GTF3C4: variants seen among roughly 807,000 people sequenced by gnomAD.
The protein encoded by GTF3C4 is general transcription factor IIIC subunit 4, also known as general transcription factor 3C polypeptide 4.
Under a neutral mutation model 67.5 loss-of-function variants are expected in GTF3C4, and 28 were observed. The ratio of observed to expected loss-of-function variants is 0.41; its 90% CI spans 0.31 to 0.57. The LOEUF is 0.57. GTF3C4 is among the 20% of genes least tolerant of loss of function. The pLI, the probability that GTF3C4 is intolerant of heterozygous loss-of-function variation, is 0.21. For missense variants in GTF3C4, 831 were observed against 1,033.2 expected (o/e 0.80, Z 2.68); for synonymous variants, 409 against 393.0 (o/e 1.04, Z -0.48).
intron 1 of GTF3C4, among the ~76,000 whole-genome samples, chr9:132,672,561 A>G (rs866236590): frequency 6.6e-6 from 1 of 152,220 alleles, no homozygotes; most frequent in Non-Finnish European, 1.5e-5. Context: ...TAGGTCTTCT[A>G]GAGAGTCCGA....
Position 132,670,817 on chromosome 9 carries a change from C to T in GTF3C4, c.219C>T (p.Ser73=), listed in dbSNP as rs772332932. The change falls in exon 1 of 5, where the codon TCC becomes TCT. Residue 73 remains serine, a synonymous_variant. Transcript: ENST00000372146. ...AVSGLEPLAW[S]EDHRVSVSTA... is the part of the protein sequence containing the mutation. ...GCGGCCTGGAACCGCTGGCTTGGTC[C>T]GAGGACCACCGCGTGTCTGTGTCCA... 3.7e-6 allele frequency: 6 copies of T among 1,606,146 alleles called. No individual in the cohort carries two copies. The highest frequency in any genetic ancestry group is 3.4e-5 in the Admixed American group (2 of 59,678).
At chr9:132,687,397 T>A in intron 4 of GTF3C4, 70 bp downstream of exon 4, 1 of 813,398 alleles carries the variant, frequency 1.2e-6, no homozygotes, top group Non-Finnish European at 2.1e-6. Context: ...CGCCCCAGAA[T>A]AACAGTTCTA....
chr9:132,683,725 C>G (rs767420565), intron 3 of GTF3C4, 32 bp downstream of exon 3: 4 of 1,590,244 alleles, frequency 2.5e-6, no homozygotes, highest in Non-Finnish European at 3.4e-6. Context: ...TACTTCTGCT[C>G]ATTTTTCAGT....
chr9:132,691,997 G>A lies in GTF3C4; in HGVS notation c.*3052G>A, dbSNP rs543294058. On this transcript the variant is annotated 3_prime_UTR_variant, in exon 5 of 5. Coordinates refer to ENST00000372146, the MANE Select transcript of GTF3C4 (RefSeq NM_012204.4). The stretch of plus-strand genomic sequence containing the variant: ...AGTTGATGCTTATTGGTGCTTAAGA[G>A]AATTACAATACTGGTTTTATGAGCA... 2.6e-5 allele frequency: 4 copies of A among 152,314 alleles called. No homozygotes were observed. Among genetic ancestry groups the A allele is most frequent in the African/African-American group, 9.6e-5 (4 of 41,570 alleles). 9.4% of individuals were successfully genotyped at this position (152,314 alleles called of 1,614,324 possible).
chr9:132,681,048 C>G (rs1835935579), intron 2 of GTF3C4, among the ~76,000 whole-genome samples: 1 of 152,106 alleles, frequency 6.6e-6, no homozygotes, highest in Non-Finnish European at 1.5e-5. Context: ...GCGAAAGTTG[C>G]AGTGAGCTGA....
chr9:132,670,655 TGG>T lies in GTF3C4; in HGVS notation c.60_61del (p.Glu21GlyfsTer107). ...CCGCGGACGACGGGCCTGCGCCGTCTGGGGAGGAGGAGGGAGAGGGGGGCGGC... is the reference window on the plus strand; with the variant it reads ...CCGCGGACGACGGGCCTGCGCCGTCTGGAGGAGGAGGGAGAGGGGGGCGGC... The part of the protein sequence containing the change: ...GPADDGPAPS[G>X]EEEGEGGGEA... On this transcript the variant is annotated frameshift_variant, in exon 1 of 5. Coordinates refer to ENST00000372146, the MANE Select transcript of GTF3C4 (RefSeq NM_012204.4). LOFTEE classifies it high-confidence loss of function. The T allele has an allele frequency of 1.4e-6, 2 of 1,458,602 alleles. No homozygotes were observed. The highest frequency in any genetic ancestry group is 9.0e-7 in the Non-Finnish European group (1 of 1,114,932). 90.4% of individuals were successfully genotyped at this position (1,458,602 alleles called of 1,614,324 possible).
intron 1 of GTF3C4, among the ~76,000 whole-genome samples, chr9:132,677,739 C>T (rs1226373542): frequency 6.6e-6 from 1 of 152,170 alleles, no homozygotes; most frequent in Non-Finnish European, 1.5e-5. Context: ...CAATTTGTAT[C>T]AAAGATATAT....
intron 2 of GTF3C4, among the ~76,000 whole-genome samples, chr9:132,681,563 C>T (rs531734195): frequency 6.2e-4 from 95 of 152,122 alleles, no homozygotes; most frequent in African/African-American, 2.1e-3. Flanking sequence ...ATTATCACTC[C>T]CCCCCGAACA....
At position 132,670,913 on chromosome 9, in the gene GTF3C4, C is replaced by G; in HGVS notation, c.315C>G (p.His105Gln). ...VHNPGQDLVI[H>Q]RTSVPAPLNS... ...ACCCGGGCCAGGACCTGGTTATCCA[C>G]CGCACCTCGGTGCCCGCACCGCTCA... The change falls in exon 1 of 5, where the codon CAC (histidine) becomes CAG (glutamine). Residue 105 changes from histidine to glutamine, a missense_variant. By Grantham distance (24) the His-to-Gln change is conservative. Around this residue, in one of 4 missense-constraint regions of GTF3C4, gnomAD observed 237 missense variants for 212.7 expected, o/e 1.11. Transcript: ENST00000372146. 1 of 1,612,520 alleles carries G rather than the reference C, an allele frequency of 6.2e-7. No individual in the cohort carries two copies. The highest frequency in any genetic ancestry group is 2.2e-5 in the East Asian group (1 of 44,854).
At chr9:132,685,649 G>A (rs1048538511) in intron 3 of GTF3C4, among the ~76,000 whole-genome samples, 2 of 151,906 alleles carry the variant, frequency 1.3e-5, no homozygotes, top group African/African-American at 4.8e-5. Flanking sequence ...CACCATGCCT[G>A]GCTTCTACAC....
Position 132,679,258 on chromosome 9 carries a change from A to G in GTF3C4, c.1639A>G (p.Ile547Val). 1 of 1,613,578 alleles carries G rather than the reference A, an allele frequency of 6.2e-7. No individual in the cohort carries two copies. Among genetic ancestry groups the G allele is most frequent in the Non-Finnish European group, 8.5e-7 (1 of 1,179,812 alleles). Reference protein sequence around the residue: ...VDLIDLVRWKILKDKHIPQFL... With the variant: ...VDLIDLVRWKVLKDKHIPQFL... ...TTTAATAGACCTAGTACGCTGGAAG[A>G]TTTTAAAAGATAAACATATCCCTCA... Residue 547 changes from isoleucine (I) to valine (V), a missense_variant, in exon 2 of 5, where the codon ATT (isoleucine) becomes GTT (valine). Ile to Val is a conservative substitution (Grantham distance 29). Around this residue, in one of 4 missense-constraint regions of GTF3C4, gnomAD observed 390 missense variants for 540.3 expected, o/e 0.72. Transcript: ENST00000372146. The surrounding 1 kb of genome is among the most constrained non-coding windows in gnomAD (Gnocchi z 5.9).
At position 132,679,596 on chromosome 9, in the gene GTF3C4, T is replaced by C; in HGVS notation, c.1977T>C (p.Ala659=). The C allele has an allele frequency of 6.2e-7, 1 of 1,614,058 alleles. No homozygotes were observed. The highest frequency in any genetic ancestry group is 8.5e-7 in the Non-Finnish European group (1 of 1,180,004). ...TDDSLPTTGD[A]GGREPMEEKL... is the part of the protein sequence containing the mutation. ...ACTCGCTCCCCACGACTGGAGATGC[T>C]GGAGGCCGTGAGCCAATGGAAGAGA... The change falls in exon 2 of 5, where the codon GCT becomes GCC. Residue 659 remains alanine (A), a synonymous_variant. Transcript: ENST00000372146. The surrounding 1 kb of genome is among the most constrained non-coding windows in gnomAD (Gnocchi z 5.9).
intron 1 of GTF3C4, among the ~76,000 whole-genome samples, chr9:132,671,403 G>A (rs562925004): frequency 6.6e-6 from 1 of 152,294 alleles, no homozygotes; most frequent in South Asian, 2.1e-4. Flanking sequence ...TCCTCCTCTC[G>A]CGCCTCTTTA....
intron 2 of GTF3C4, among the ~76,000 whole-genome samples, chr9:132,682,489 G>A (rs1011313067): frequency 2.0e-5 from 3 of 150,526 alleles, no homozygotes; most frequent in Non-Finnish European, 4.4e-5. Context: ...ACTCTTGAGG[G>A]TTGTGTATCC....
Position 132,670,629 on chromosome 9 carries a change from C to T in GTF3C4, c.31C>T (p.Pro11Ser). 6.9e-7 allele frequency: 1 copy of T among 1,451,864 alleles called. No homozygotes were observed. 89.9% of individuals were successfully genotyped at this position (1,451,864 alleles called of 1,614,324 possible). A position where few individuals can be genotyped will look rare whatever the true frequency, so the allele number is the denominator to read the frequency against. Reference sequence around the variant, plus strand: ...CACGGCCGACCAGGCCCGGGTGGGGCCCGCGGACGACGGGCCTGCGCCGTC... The same window carrying T: ...CACGGCCGACCAGGCCCGGGTGGGGTCCGCGGACGACGGGCCTGCGCCGTC... MNTADQARVG[P>S]ADDGPAPSGE... The change falls in exon 1 of 5, where the codon CCC (proline) becomes TCC (serine). Residue 11 changes from proline to serine, a missense_variant. By Grantham distance (74) the Pro-to-Ser change is moderately conservative. Coordinates refer to ENST00000372146, the MANE Select transcript of GTF3C4 (RefSeq NM_012204.4).
In GTF3C4 at chr9:132,672,786, C is replaced by A. The variant is rs1835804370; in HGVS notation, c.357+1831C>A. ...GGGCTTTGGCACAAGATAGGCCTAT[C>A]TATAAAAGGGGGATAATGAAGCGTT... On this transcript the variant is annotated intron_variant, in intron 1 of 4. Coordinates refer to ENST00000372146, the MANE Select transcript of GTF3C4 (RefSeq NM_012204.4). 2.0e-5 allele frequency among the ~76,000 whole-genome samples: 3 copies of A among 152,264 alleles called. No individual in the cohort carries two copies. In the South Asian group the frequency reaches 6.2e-4, roughly 32 times the overall value.
At chr9:132,677,420 C>A (rs1835878873) in intron 1 of GTF3C4, among the ~76,000 whole-genome samples, 1 of 152,034 alleles carries the variant, frequency 6.6e-6, no homozygotes, top group Non-Finnish European at 1.5e-5. Context: ...ATACATGTTA[C>A]GAACTTGGAG....
intron 1 of GTF3C4, 80 bp downstream of exon 1, chr9:132,671,035 T>G (rs1835730916): frequency 5.3e-6 from 5 of 945,782 alleles, no homozygotes; most frequent in African/African-American, 3.3e-5. Context: ...GGGAATCCGA[T>G]CCCACACTCT....
At chr9:132,673,973 T>C (rs1835829205) in intron 1 of GTF3C4, among the ~76,000 whole-genome samples, 1 of 152,206 alleles carries the variant, frequency 6.6e-6, no homozygotes, top group African/African-American at 2.4e-5. Flanking sequence ...CAAATTCTGA[T>C]AATATTTGTG....
Sources: gnomAD v4.1 joint callset for allele counts (sites outside exome capture counted in the v4.1 genomes callset) on GRCh38, gnomAD v4.1.1 for gene constraint, gnomAD v4.1.1 regional missense constraint, Gnocchi (gnomAD v3.1) non-coding constraint, MANE v1.5 for transcripts, NCBI Gene and HGNC (gene_info 2026-07-23, HGNC 2026-07-21) for gene names.